Variants in MAP3K14 observed in about 807,000 individuals in gnomAD.
The protein encoded by MAP3K14 is mitogen-activated protein kinase kinase kinase 14, also known as NF-kappa-beta-inducing kinase.
Under a neutral mutation model 99.2 loss-of-function variants are expected in MAP3K14, and 16 were observed. The observed-to-expected ratio is 0.16, with a 90% confidence interval of 0.11 to 0.24. The LOEUF (loss-of-function observed/expected upper bound fraction) is 0.24. MAP3K14 is among the 10% of genes least tolerant of loss of function. The probability of loss-of-function intolerance (pLI) is 1.00; values close to 1 mark genes in which losing one functional copy is unlikely to be tolerated. For synonymous variants in MAP3K14, 462 were observed against 492.4 expected (o/e 0.94, Z 0.82); for missense variants, 784 against 1,208.7 (o/e 0.65, Z 5.21).
intron 11 of MAP3K14, among the ~76,000 whole-genome samples, chr17:45,269,864 C>T (rs998682625): frequency 6.6e-6 from 1 of 152,198 alleles, no homozygotes; most frequent in African/African-American, 2.4e-5. Flanking sequence ...TTCTGTGAGC[C>T]ACTCCAGCAA....
At position 45,267,031 on chromosome 17, in the gene MAP3K14, G is replaced by T; in HGVS notation, c.2433+61C>A. Reference sequence around the variant, plus strand: ...AGCTGGACGCAAAGCTACTTGCTCTGTGCCAGGGCCGGGAAAACCACACCC... The same window carrying T: ...AGCTGGACGCAAAGCTACTTGCTCTTTGCCAGGGCCGGGAAAACCACACCC... On this transcript the variant is annotated intron_variant, in intron 13 of 15. Transcript: ENST00000344686. The surrounding 1 kb of genome is among the most constrained non-coding windows in gnomAD (Gnocchi z 5.1). The T allele has an allele frequency of 8.0e-7, 1 of 1,256,934 alleles. No individual in the cohort carries two copies. Among genetic ancestry groups the T allele is most frequent in the Non-Finnish European group, 1.1e-6 (1 of 880,784 alleles). 77.9% of individuals were successfully genotyped at this position (1,256,934 alleles called of 1,614,324 possible). A position where few individuals can be genotyped will look rare whatever the true frequency, so the allele number is the denominator to read the frequency against.
chr17:45,307,028 C>T (rs966318000), intron 1 of MAP3K14, among the ~76,000 whole-genome samples: 13 of 152,288 alleles, frequency 8.5e-5, no homozygotes, highest in East Asian at 3.9e-4. Flanking sequence ...GAGGCCCAGG[C>T]GGGCGGACTG....
chr17:45,307,265 T>TAA (rs1043095038), intron 1 of MAP3K14, among the ~76,000 whole-genome samples: 2 of 148,144 alleles, frequency 1.4e-5, no homozygotes, highest in Non-Finnish European at 3.0e-5. Context: ...CTCAAAAAAT[T>TAA]AAAAAAAAAA....
Position 45,266,664 on chromosome 17 carries a change from A to G in MAP3K14, c.2451T>C (p.Ser817=). 1.2e-6 allele frequency: 2 copies of G among 1,612,196 alleles called. No individual in the cohort carries two copies. Among genetic ancestry groups the G allele is most frequent in the Admixed American group, 1.7e-5 (1 of 59,936 alleles). ...DDSEKNPSKA[S]QSSRDTLSSG... ...AGCTCAGGGTGTCCCGCGAGCTTTGAGAGGCCTTTGATGGGTTCTGAAACA... is the reference window on the plus strand; with the variant it reads ...AGCTCAGGGTGTCCCGCGAGCTTTGGGAGGCCTTTGATGGGTTCTGAAACA... Residue 817 remains serine (S), a synonymous_variant, in exon 14 of 16, where the codon TCT becomes TCC. Coordinates refer to ENST00000344686, the MANE Select transcript of MAP3K14 (RefSeq NM_003954.5).
intron 3 of MAP3K14, among the ~76,000 whole-genome samples, chr17:45,287,790 G>A (rs2044279387): frequency 6.6e-6 from 1 of 152,186 alleles, no homozygotes; most frequent in African/African-American, 2.4e-5. Context: ...CACGCTCATG[G>A]CAGGCCTCTC....
intron 1 of MAP3K14, among the ~76,000 whole-genome samples, chr17:45,313,749 T>C (rs1046256148): frequency 3.9e-5 from 6 of 152,170 alleles, no homozygotes; most frequent in Non-Finnish European, 8.8e-5. Flanking sequence ...ATTGGTACAA[T>C]AAATAAATAA....
At chr17:45,270,949 G>C (rs1290704221) in intron 10 of MAP3K14, 109 bp downstream of exon 10, 1 of 1,409,016 alleles carries the variant, frequency 7.1e-7, no homozygotes, top group Non-Finnish European at 9.7e-7. Flanking sequence ...TGGATGACCA[G>C]GCCTCCCCTT....
chr17:45,290,953 T>G, intron 1 of MAP3K14, 188 bp from the exon 2 acceptor site: 2 of 573,132 alleles, frequency 3.5e-6, no homozygotes, highest in Non-Finnish European at 6.2e-6. Context: ...CAGCTACACG[T>G]TCCACACGGC....
At chr17:45,270,790 G>C in intron 10 of MAP3K14, 2 of 755,764 alleles carry the variant, frequency 2.6e-6, no homozygotes, top group Non-Finnish European at 4.2e-6. Context: ...ACAGCCTCCA[G>C]GCCCGGCCCG....
chr17:45,299,062 C>T (rs994668), intron 1 of MAP3K14, among the ~76,000 whole-genome samples: 2,417 of 152,282 alleles, frequency 0.016, 62 homozygotes, highest in African/African-American at 0.055. Context: ...TTGAAGTTGT[C>T]AGTGAGTAAA....
At chr17:45,271,252 T>A (rs986988109) in intron 9 of MAP3K14, 31 bp from the exon 10 acceptor site, 1 of 1,578,840 alleles carries the variant, frequency 6.3e-7, no homozygotes, top group African/African-American at 1.4e-5. Flanking sequence ...TAAAGTTACC[T>A]GGAATGCTGA....
At chr17:45,270,355 T>TCCTCTGTCCA (rs1265063410) in intron 11 of MAP3K14, 58 bp downstream of exon 11, 2 of 1,566,932 alleles carry the variant, frequency 1.3e-6, no homozygotes, top group Non-Finnish European at 1.7e-6. Context: ...CCCACCTGCC[T>TCCTCTGTCCA]CCTCTGTCCA....
rs533075749 is a variant in MAP3K14 at position 45,303,935 on chromosome 17, C to T, written c.-21+13025G>A. 2.1e-4 allele frequency among the ~76,000 whole-genome samples: 32 copies of T among 151,558 alleles called. 1 individual carries two copies. The highest frequency in any genetic ancestry group is 7.7e-4 in the African/African-American group (32 of 41,448). On this transcript the variant is annotated intron_variant, in intron 1 of 15. Coordinates refer to ENST00000344686, the MANE Select transcript of MAP3K14 (RefSeq NM_003954.5). Reference sequence around the variant, plus strand: ...TGGATTATACACATGTAATGTCATACAAATTGTATCTTTCACTTAAGATAC... The same window carrying T: ...TGGATTATACACATGTAATGTCATATAAATTGTATCTTTCACTTAAGATAC...
intron 1 of MAP3K14, among the ~76,000 whole-genome samples, chr17:45,312,291 C>T (rs773001787): frequency 3.3e-5 from 5 of 152,188 alleles, no homozygotes; most frequent in Non-Finnish European, 7.3e-5. Context: ...TCACCTCCAG[C>T]CTGAAGTCAA....
chr17:45,268,709 CT>C (rs2044118159), intron 11 of MAP3K14: 1 of 152,266 alleles, frequency 6.6e-6, no homozygotes, highest in South Asian at 2.1e-4. Flanking sequence ...GAGGCATCCC[CT>C]TTTGTGTCTC....
chr17:45,300,224 C>T (rs957739158), intron 1 of MAP3K14, among the ~76,000 whole-genome samples: 4 of 152,340 alleles, frequency 2.6e-5, no homozygotes, highest in Admixed American at 1.3e-4. Flanking sequence ...CCTAGCCGTG[C>T]AGAAACTACT....
At chr17:45,307,798 T>C (rs559844737) in intron 1 of MAP3K14, among the ~76,000 whole-genome samples, 77 of 152,320 alleles carry the variant, frequency 5.1e-4, no homozygotes, top group African/African-American at 1.8e-3. Flanking sequence ...AGGAACTAGT[T>C]TGAGGAACTT....
Position 45,285,148 on chromosome 17 carries a change from C to T in MAP3K14, c.1153-199G>A, listed in dbSNP as rs570903062. ...AGGGGGCAGAGGAATGAAGTGAAGG[C>T]GAGGGAAGGGTTCATGGGCTGCGGC... On this transcript the variant is annotated intron_variant, in intron 5 of 15. Coordinates refer to ENST00000344686, the MANE Select transcript of MAP3K14 (RefSeq NM_003954.5). Among the ~76,000 whole-genome samples the T allele has an allele frequency of 1.7e-3, 261 of 152,210 alleles. 2 individuals carry two copies. The highest frequency in any genetic ancestry group is 5.7e-3 in the African/African-American group (238 of 41,546).
chr17:45,285,825 G>A (rs1478958280), intron 5 of MAP3K14, among the ~76,000 whole-genome samples: 2 of 151,226 alleles, frequency 1.3e-5, no homozygotes, highest in African/African-American at 2.4e-5. Flanking sequence ...GGTGGTACAC[G>A]CTTGTAGTCC....
Sources: allele counts gnomAD v4.1 joint callset (sites outside exome capture counted in the v4.1 genomes callset), GRCh38; gene constraint gnomAD v4.1.1; non-coding constraint Gnocchi (gnomAD v3.1); transcripts MANE v1.5; gene names NCBI Gene and HGNC (gene_info 2026-07-23, HGNC 2026-07-21).